MYRFL: variants seen among roughly 807,000 people sequenced by gnomAD.
MYRFL encodes myelin regulatory factor-like protein.
In MYRFL, 88 loss-of-function variants were observed where a neutral mutation model predicts 109.4. The ratio of observed to expected loss-of-function variants is 0.80; its 90% CI spans 0.68 to 0.96. MYRFL has a LOEUF of 0.96. Among genes scored for constraint, MYRFL ranks in the 40% least tolerant of loss-of-function variants. MYRFL has a pLI of 0.00. For synonymous variants in MYRFL, 324 were observed against 320.9 expected, an observed-to-expected ratio of 1.01 and a Z score of -0.10; for missense variants, 957 against 954.9, an observed-to-expected ratio of 1.00 and a Z score of -0.03.
chr12:69,860,884 T>TC (rs1884612797), intron 2 of MYRFL, among the ~76,000 whole-genome samples: 1 of 83,502 alleles, frequency 1.2e-5, no homozygotes, highest in Non-Finnish European at 2.3e-5. Flanking sequence ...AAGCTATCCC[T>TC]CCCCCCTCCC....
chr12:69,919,786 A>G (rs1271229807), intron 13 of MYRFL, among the ~76,000 whole-genome samples: 1 of 152,160 alleles, frequency 6.6e-6, no homozygotes. Flanking sequence ...TTTTATTCCC[A>G]TGGTTTTATT....
At chr12:69,887,366 C>A (rs1252736665) in intron 6 of MYRFL, among the ~76,000 whole-genome samples, 2 of 152,108 alleles carry the variant, frequency 1.3e-5, no homozygotes, top group African/African-American at 4.8e-5. Flanking sequence ...AGCCAATGAC[C>A]ACCCCCCACG....
chr12:69,853,301 G>T (rs542185877), intron 1 of MYRFL, among the ~76,000 whole-genome samples: 1 of 151,042 alleles, frequency 6.6e-6, no homozygotes, highest in African/African-American at 2.4e-5. Flanking sequence ...GGGCAGAGAC[G>T]CTCCTCACTT....
chr12:69,860,249 C>T (rs2136324256), intron 2 of MYRFL, among the ~76,000 whole-genome samples: 1 of 152,296 alleles, frequency 6.6e-6, no homozygotes, highest in Middle Eastern at 3.4e-3. Flanking sequence ...TGACTTCCAA[C>T]TCCATCCATG....
intron 16 of MYRFL, 92 bp from the exon 17 acceptor site, chr12:69,936,021 A>T: frequency 1.4e-6 from 2 of 1,412,770 alleles, no homozygotes; most frequent in East Asian, 5.0e-5. Flanking sequence ...CTGTGAGAGT[A>T]CATCTCTGGC....
intron 15 of MYRFL, among the ~76,000 whole-genome samples, 166 bp downstream of exon 15, chr12:69,927,914 T>C (rs1955147572): frequency 6.6e-6 from 1 of 152,240 alleles, no homozygotes; most frequent in Non-Finnish European, 1.5e-5. Flanking sequence ...ACATATTAAA[T>C]GGCTTTTAAA....
chr12:69,854,642 T>A (rs1476407038), intron 1 of MYRFL, among the ~76,000 whole-genome samples: 1 of 152,110 alleles, frequency 6.6e-6, no homozygotes, highest in Non-Finnish European at 1.5e-5. Context: ...TCCCTTGGCC[T>A]CCCAAAGTGC....
intron 1 of MYRFL, among the ~76,000 whole-genome samples, chr12:69,840,566 C>A (rs894215546): frequency 6.6e-6 from 1 of 152,214 alleles, no homozygotes; most frequent in Admixed American, 6.5e-5. Context: ...GTGCTGCTCA[C>A]TGTTGTATCC....
At chr12:69,888,261 C>A (rs1236456922) in intron 6 of MYRFL, among the ~76,000 whole-genome samples, 1 of 152,142 alleles carries the variant, frequency 6.6e-6, no homozygotes, top group East Asian at 1.9e-4. Flanking sequence ...AGCCATAATT[C>A]ACTTTTCCTA....
At chr12:69,940,177 G>C (rs537434657) in intron 19 of MYRFL, among the ~76,000 whole-genome samples, 2 of 152,006 alleles carry the variant, frequency 1.3e-5, no homozygotes, top group African/African-American at 4.8e-5. Context: ...GCAGGCCAAC[G>C]TTCAGATTCA....
At chr12:69,911,788 G>T (rs1954580383) in intron 13 of MYRFL, among the ~76,000 whole-genome samples, 1 of 152,186 alleles carries the variant, frequency 6.6e-6, no homozygotes. Context: ...TGATATAAGG[G>T]TTTTGTAGTC....
intron 2 of MYRFL, among the ~76,000 whole-genome samples, chr12:69,872,791 G>A (rs921470884): frequency 1.3e-5 from 2 of 151,798 alleles, no homozygotes; most frequent in African/African-American, 4.8e-5. Context: ...GAGCCACCAC[G>A]CCTGGCCTTT....
At chr12:69,855,657 A>C (rs978742912) in intron 2 of MYRFL, among the ~76,000 whole-genome samples, 4 of 152,270 alleles carry the variant, frequency 2.6e-5, no homozygotes, top group African/African-American at 9.6e-5. Context: ...TCTTTCAATG[A>C]ATTTGTCCAT....
At chr12:69,930,117 T>C (rs909255647) in intron 15 of MYRFL, among the ~76,000 whole-genome samples, 4 of 152,166 alleles carry the variant, frequency 2.6e-5, no homozygotes, top group Admixed American at 1.3e-4. Context: ...CCACGACTCA[T>C]CTCCTAGTTG....
At chr12:69,950,745 A>C (rs1955952250) in intron 19 of MYRFL, among the ~76,000 whole-genome samples, 1 of 152,214 alleles carries the variant, frequency 6.6e-6, no homozygotes, top group Admixed American at 6.5e-5. Context: ...GGAGGTGTTC[A>C]AACAGAGATT....
At chr12:69,937,255 T>C (rs569724987) in intron 19 of MYRFL, among the ~76,000 whole-genome samples, 1 of 152,232 alleles carries the variant, frequency 6.6e-6, no homozygotes, top group Non-Finnish European at 1.5e-5. Context: ...GTCTTCCAAA[T>C]GTATACTAAT....
intron 21 of MYRFL, among the ~76,000 whole-genome samples, chr12:69,954,812 G>A (rs1956058344): frequency 6.6e-6 from 1 of 152,098 alleles, no homozygotes; most frequent in Non-Finnish European, 1.5e-5. Context: ...TTAAAGGTGT[G>A]GGGGGAATCT....
At chr12:69,864,253 C>T (rs906085001) in intron 2 of MYRFL, among the ~76,000 whole-genome samples, 1 of 151,510 alleles carries the variant, frequency 6.6e-6, no homozygotes, top group East Asian at 1.9e-4. Context: ...CAGTGTCTTT[C>T]TTTTTCCCTT....
chr12:69,895,815 G>A (rs1410360578), intron 9 of MYRFL, among the ~76,000 whole-genome samples: 3 of 152,128 alleles, frequency 2.0e-5, no homozygotes, highest in African/African-American at 7.2e-5. Flanking sequence ...CTCAACCAGT[G>A]TGCTGATCTC....
Sources: allele counts gnomAD v4.1 joint callset (sites outside exome capture counted in the v4.1 genomes callset), GRCh38; gene constraint gnomAD v4.1.1; transcripts MANE v1.5; gene names NCBI Gene and HGNC (gene_info 2026-07-23, HGNC 2026-07-21).